The following ERP44 variants were observed in gnomAD, a reference collection of about 807,000 sequenced individuals.
The protein encoded by ERP44 is endoplasmic reticulum resident protein 44.
ERP44 carries 25 observed loss-of-function variants against 53.4 expected under a neutral mutation model. That is an observed-to-expected ratio of 0.47 (90% CI 0.34 to 0.65). The LOEUF is 0.65. ERP44 is among the 30% of genes least tolerant of loss of function. The pLI, the probability that ERP44 is intolerant of heterozygous loss-of-function variation, is 0.01. For missense variants in ERP44, 338 were observed against 493.2 expected (o/e 0.69, Z 2.98); for synonymous variants, 145 against 161.2 (o/e 0.90, Z 0.76).
intron 4 of ERP44, among the ~76,000 whole-genome samples, chr9:100,046,564 C>G (rs868338289): frequency 2.6e-5 from 4 of 152,038 alleles, no homozygotes; most frequent in Non-Finnish European, 5.9e-5. Flanking sequence ...TCTGATAAAG[C>G]TATCCAAGAC....
At chr9:100,047,136 C>T (rs1053854923) in intron 4 of ERP44, among the ~76,000 whole-genome samples, 5 of 152,162 alleles carry the variant, frequency 3.3e-5, no homozygotes, top group African/African-American at 9.7e-5. Flanking sequence ...CTTCATACTA[C>T]CACATTTATA....
intron 1 of ERP44, among the ~76,000 whole-genome samples, chr9:100,064,143 T>C (rs541380432): frequency 2.6e-5 from 4 of 152,334 alleles, no homozygotes; most frequent in African/African-American, 9.6e-5. Context: ...AAGAAACAAA[T>C]TAATTCTATC....
chr9:99,991,850 A>T (rs1830260177), intron 10 of ERP44, among the ~76,000 whole-genome samples: 1 of 152,252 alleles, frequency 6.6e-6, no homozygotes, highest in Non-Finnish European at 1.5e-5. Context: ...CACCGATCCC[A>T]CAGAAATACA....
intron 5 of ERP44, among the ~76,000 whole-genome samples, 162 bp downstream of exon 5, chr9:100,021,880 T>C (rs1830593335): frequency 6.6e-6 from 1 of 152,204 alleles, no homozygotes; most frequent in South Asian, 2.1e-4. Context: ...AACATAAGCA[T>C]TTGCCTTGAG....
chr9:99,981,199 A>G lies in ERP44; in HGVS notation c.*1413T>C, dbSNP rs1487158575. 1 of 152,172 alleles carries G rather than the reference A, an allele frequency of 6.6e-6. No homozygotes were observed. Among genetic ancestry groups the G allele is most frequent in the Non-Finnish European group, 1.5e-5 (1 of 68,038 alleles). The allele number at this position is 152,172 out of a possible 1,614,324, so 9.4% of individuals were successfully genotyped here. ...CAATTTGATACAATACATTAAATATACCCCTTATCACCTTATTAACATTTA... is the reference window on the plus strand; with the variant it reads ...CAATTTGATACAATACATTAAATATGCCCCTTATCACCTTATTAACATTTA... On this transcript the variant is annotated 3_prime_UTR_variant, in exon 12 of 12. Transcript: ENST00000262455.
intron 1 of ERP44, among the ~76,000 whole-genome samples, chr9:100,078,450 T>G (rs1826383155): frequency 1.1e-5 from 1 of 93,972 alleles, no homozygotes; most frequent in Admixed American, 1.3e-4. Flanking sequence ...AGAGCAAGAC[T>G]CTATCAAAAA....
intron 1 of ERP44, among the ~76,000 whole-genome samples, chr9:100,091,185 CA>C (rs1292830649): frequency 6.6e-6 from 1 of 152,158 alleles, no homozygotes; most frequent in African/African-American, 2.4e-5. Context: ...ATATAATGCT[CA>C]AAGTTCTACA....
chr9:100,017,160 T>A (rs534620711), intron 7 of ERP44, among the ~76,000 whole-genome samples: 25 of 152,360 alleles, frequency 1.6e-4, no homozygotes, highest in South Asian at 6.2e-4. Flanking sequence ...TCTAAAATGA[T>A]GATAAAAATA....
intron 1 of ERP44, among the ~76,000 whole-genome samples, chr9:100,096,465 G>T (rs543496412): frequency 2.8e-4 from 42 of 152,036 alleles, no homozygotes; most frequent in Non-Finnish European, 5.9e-4. Flanking sequence ...TTGAGCTTTT[G>T]TGTTTAGTTA....
chr9:100,095,989 G>A (rs1474999348), intron 1 of ERP44, among the ~76,000 whole-genome samples: 2 of 151,904 alleles, frequency 1.3e-5, no homozygotes, highest in Non-Finnish European at 2.9e-5. Context: ...TATACATATT[G>A]AACAAACCGA....
intron 1 of ERP44, among the ~76,000 whole-genome samples, chr9:100,086,566 G>C (rs989606031): frequency 2.6e-4 from 40 of 152,162 alleles, no homozygotes; most frequent in African/African-American, 8.4e-4. Context: ...CTACATGCCA[G>C]ACATCATACA....
chr9:99,998,513 C>A (rs575076198), intron 10 of ERP44: 1 of 716,758 alleles, frequency 1.4e-6, no homozygotes, highest in Non-Finnish European at 2.6e-6. Context: ...CCCGCTGTCC[C>A]GGCTCCCCCA....
intron 4 of ERP44, among the ~76,000 whole-genome samples, chr9:100,039,844 A>G (rs1185923138): frequency 6.6e-6 from 1 of 152,140 alleles, no homozygotes; most frequent in East Asian, 1.9e-4. Context: ...AGACATCACA[A>G]CTGATACCAC....
At position 99,979,775 on chromosome 9, in the gene ERP44, C is replaced by T. The variant is rs983832642; in HGVS notation, c.*2837G>A. 2 of 393,210 alleles carry T rather than the reference C, an allele frequency of 5.1e-6. No homozygotes were observed. Among genetic ancestry groups the T allele is most frequent in the Non-Finnish European group, 9.0e-6 (2 of 223,140 alleles). 24.4% of individuals were successfully genotyped at this position (393,210 alleles called of 1,614,324 possible). ...TCAGATAAACCGGGGAAGACTTCTA[C>T]CTGAAATGGTCTGATTCACGGTTCA... is the stretch of plus-strand genomic sequence containing the variant. On this transcript the variant is annotated 3_prime_UTR_variant, in exon 12 of 12. Coordinates refer to ENST00000262455, the MANE Select transcript of ERP44 (RefSeq NM_015051.3).
At position 99,981,785 on chromosome 9, in the gene ERP44, C is replaced by A. The variant is rs1475520786; in HGVS notation, c.*827G>T. On this transcript the variant is annotated 3_prime_UTR_variant, in exon 12 of 12. Transcript: ENST00000262455. ...GCTTAAAATTACTGAAATACAATTT[C>A]TCTGCTAGTTCTTCTCTTTGGAAAT... 1 of 152,188 alleles carries A rather than the reference C, an allele frequency of 6.6e-6. No homozygotes were observed. Among genetic ancestry groups the A allele is most frequent in the Non-Finnish European group, 1.5e-5 (1 of 68,034 alleles). The allele number at this position is 152,188 out of a possible 1,614,324, so 9.4% of individuals were successfully genotyped here.
intron 3 of ERP44, among the ~76,000 whole-genome samples, chr9:100,053,587 T>C (rs1587975737): frequency 6.6e-6 from 1 of 152,202 alleles, no homozygotes; most frequent in African/African-American, 2.4e-5. Flanking sequence ...CTGTACCACA[T>C]GTTAATATAC....
chr9:100,062,374 A>G (rs529343933), intron 1 of ERP44, among the ~76,000 whole-genome samples: 17 of 152,202 alleles, frequency 1.1e-4, no homozygotes, highest in Non-Finnish European at 2.4e-4. Context: ...CAATGTCTTA[A>G]TAACAGATCC....
intron 10 of ERP44, among the ~76,000 whole-genome samples, chr9:100,000,808 A>G (rs1052416095): frequency 1.3e-5 from 2 of 152,012 alleles, no homozygotes; most frequent in African/African-American, 2.4e-5. Flanking sequence ...AACCAGCTAT[A>G]GTTTTGTTGC....
chr9:99,995,551 A>C (rs983849751), intron 10 of ERP44, among the ~76,000 whole-genome samples: 22 of 152,138 alleles, frequency 1.4e-4, no homozygotes, highest in African/African-American at 3.9e-4. Flanking sequence ...TCTGGTAACA[A>C]CCATTCTACT....
Sources: gnomAD v4.1 joint callset for allele counts (sites outside exome capture counted in the v4.1 genomes callset) on GRCh38, gnomAD v4.1.1 for gene constraint, MANE v1.5 for transcripts, NCBI Gene and HGNC (gene_info 2026-07-23, HGNC 2026-07-21) for gene names.